The following EIF2AK1 variants were observed in gnomAD, a reference collection of about 807,000 sequenced individuals.
EIF2AK1 encodes eukaryotic translation initiation factor 2 alpha kinase 1, also known as eukaryotic translation initiation factor 2-alpha kinase 1.
In EIF2AK1, 54 loss-of-function variants were observed where a neutral mutation model predicts 77.9. That is an observed-to-expected ratio of 0.69 (90% confidence interval 0.56 to 0.87). The LOEUF (loss-of-function observed/expected upper bound fraction) is 0.87. Among genes scored for constraint, EIF2AK1 ranks in the 40% least tolerant of loss-of-function variants. The pLI is 0.00. For missense variants in EIF2AK1, 810 were observed against 768.6 expected, an observed-to-expected ratio of 1.05 and a Z score of -0.64; for synonymous variants, 314 against 290.5, an observed-to-expected ratio of 1.08 and a Z score of -0.82.
intron 1 of EIF2AK1, 76 bp from the exon 2 acceptor site, chr7:6,054,780 T>A: frequency 7.5e-7 from 1 of 1,339,558 alleles, no homozygotes; most frequent in Non-Finnish European, 1.0e-6. Context: ...ATATTCTAAT[T>A]AATGAAACAT....
At chr7:6,030,497 A>G (rs959986346) in intron 11 of EIF2AK1, among the ~76,000 whole-genome samples, 1 of 151,972 alleles carries the variant, frequency 6.6e-6, no homozygotes, top group Admixed American at 6.6e-5. Flanking sequence ...TCGCACTACG[A>G]AAAAACTGAT....
intron 2 of EIF2AK1, among the ~76,000 whole-genome samples, chr7:6,051,175 A>G (rs1311684136): frequency 4.6e-5 from 7 of 152,312 alleles, no homozygotes; most frequent in South Asian, 2.1e-4. Context: ...TGTAAACCAA[A>G]TATCAAGCTC....
At chr7:6,041,429 C>A (rs1290702316) in intron 8 of EIF2AK1, among the ~76,000 whole-genome samples, 1 of 151,966 alleles carries the variant, frequency 6.6e-6, no homozygotes, top group African/African-American at 2.4e-5. Flanking sequence ...ATCGCAGCTA[C>A]TGGGGAGGAT....
intron 11 of EIF2AK1, 47 bp from the exon 12 acceptor site, chr7:6,029,079 ATAG>A (rs1410091494): frequency 7.1e-7 from 1 of 1,416,500 alleles, no homozygotes; most frequent in Non-Finnish European, 9.9e-7. Flanking sequence ...CTTAAAACAA[ATAG>A]TAATATCTTG....
Position 6,035,913 on chromosome 7 carries a change from C to A in EIF2AK1, c.1332+1511G>T. On this transcript the variant is annotated intron_variant, in intron 11 of 14. Transcript: ENST00000199389. The surrounding 1 kb of genome is among the most constrained non-coding windows in gnomAD (Gnocchi z 5.5). Reference sequence around the variant, plus strand: ...CCTCGGGGCGGGGGTCAGCTGCATCCGTCTGCTACTCACTCACGGAGCCAA... The same window carrying A: ...CCTCGGGGCGGGGGTCAGCTGCATCAGTCTGCTACTCACTCACGGAGCCAA... 1 of 1,546,624 alleles carries A rather than the reference C, an allele frequency of 6.5e-7. No homozygotes were observed. The highest frequency in any genetic ancestry group is 2.4e-5 in the East Asian group (1 of 40,860).
intron 11 of EIF2AK1, among the ~76,000 whole-genome samples, chr7:6,031,985 C>T (rs910214594): frequency 8.5e-5 from 13 of 152,152 alleles, no homozygotes; most frequent in Non-Finnish European, 1.9e-4. Flanking sequence ...ACCAGCCTGG[C>T]CAGCAGGGCA....
At chr7:6,029,307 A>AT (rs1411349289) in intron 11 of EIF2AK1, among the ~76,000 whole-genome samples, 1 of 151,610 alleles carries the variant, frequency 6.6e-6, no homozygotes, top group Non-Finnish European at 1.5e-5. Context: ...CAAGACAAGC[A>AT]TGGCCAACAT....
intron 12 of EIF2AK1, 35 bp downstream of exon 12, chr7:6,028,883 T>C (rs1214300715): frequency 1.3e-6 from 2 of 1,552,638 alleles, no homozygotes; most frequent in African/African-American, 2.8e-5. Flanking sequence ...GTCTTTTGCT[T>C]ATGCAAAGAA....
In EIF2AK1 at chr7:6,058,975, C is replaced by T; in HGVS notation, c.109G>A (p.Glu37Lys). ...CGATCCGATCCCTCACCGTCATATT[C>T]GGGGTCCGGGCCCTCGGCGGGAAAG... ...IDFPAEGPDP[E>K]YDESDVPAEI... is the part of the protein sequence containing the mutation. Residue 37 changes from glutamate to lysine, a missense_variant, in exon 1 of 15, where the codon GAA (glutamate) becomes AAA (lysine). Physicochemically the swap from Glu to Lys is moderately conservative, Grantham distance 56. Around this residue, in one of 3 missense-constraint regions of EIF2AK1, gnomAD observed 246 missense variants for 199.0 expected, o/e 1.24. Coordinates refer to ENST00000199389, the MANE Select transcript of EIF2AK1 (RefSeq NM_014413.4). The T allele has an allele frequency of 1.3e-6, 2 of 1,536,852 alleles. No homozygotes were observed. The highest frequency in any genetic ancestry group is 8.7e-7 in the Non-Finnish European group (1 of 1,144,586).
At position 6,054,681 on chromosome 7, in the gene EIF2AK1, G is replaced by A. The variant is rs746431798; in HGVS notation, c.142C>T (p.Gln48Ter). 13 of 1,613,498 alleles carry A rather than the reference G, an allele frequency of 8.1e-6. No homozygotes were observed. The highest frequency in any genetic ancestry group is 1.1e-5 in the Non-Finnish European group (13 of 1,179,838). Reference protein sequence around the residue: ...YDESDVPAEIQVLKEPLQQPT... With the variant: ...YDESDVPAEI ...TGTTGTAGGGGTTCTTTTAACACCT[G>A]GATTTCTGCTGGAACATCAGATTCT... The change falls in exon 2 of 15, where the codon CAG becomes TAG. Residue 48 changes from glutamine (Q) to a stop codon, truncating the protein, a stop_gained. Transcript: ENST00000199389. LOFTEE classifies it high-confidence loss of function.
intron 2 of EIF2AK1, among the ~76,000 whole-genome samples, chr7:6,051,803 A>G (rs1356949075): frequency 1.3e-5 from 2 of 152,288 alleles, no homozygotes; most frequent in Admixed American, 6.5e-5. Flanking sequence ...GAAAAAAGAA[A>G]TAGAAAACTC....
In EIF2AK1 at chr7:6,035,596, G is replaced by C. The variant is rs1190807983; in HGVS notation, c.1332+1828C>G. On this transcript the variant is annotated intron_variant, in intron 11 of 14. Coordinates refer to ENST00000199389, the MANE Select transcript of EIF2AK1 (RefSeq NM_014413.4). This position sits in a 1 kb window ranked among gnomAD's most constrained non-coding sequence, Gnocchi z 5.5. ...TGTCTCCGCATCTTGTGTGCGCACG[G>C]AGCTCAAGTGAACACTCAAGGGGAA... 6.4e-6 allele frequency: 10 copies of C among 1,550,898 alleles called. No homozygotes were observed. The Middle Eastern group carries it at 8.3e-4, about 129-fold the overall frequency.
rs781559355 is a variant in EIF2AK1, at chr7:6,023,289, T to A, written c.*1384A>T. 6.4e-7 allele frequency: 1 copy of A among 1,574,270 alleles called. No homozygotes were observed. Among genetic ancestry groups the A allele is most frequent in the Non-Finnish European group, 8.6e-7 (1 of 1,164,142 alleles). ...TGCTCTGGTGATGCTACCTGGCGTG[T>A]TTTTTCTTTTCAGTGCCGAAGACGC... On this transcript the variant is annotated 3_prime_UTR_variant, in exon 15 of 15. Transcript: ENST00000199389.
chr7:6,048,844 C>G lies in EIF2AK1; in HGVS notation c.412G>C (p.Asp138His), dbSNP rs1252629710. ...MRSAKERVRQ[D>H]PCEDISRIQK... Reference sequence around the variant, plus strand: ...ATACGAGAAATATCCTCACAAGGATCCTACAATTAAAAAATTGTTTTTAAA... The same window carrying G: ...ATACGAGAAATATCCTCACAAGGATGCTACAATTAAAAAATTGTTTTTAAA... The change falls in exon 4 of 15, where the codon GAT becomes CAT. Residue 138 changes from aspartate (D) to histidine (H), a missense_variant and splice_region_variant. Coordinates refer to ENST00000199389, the MANE Select transcript of EIF2AK1 (RefSeq NM_014413.4). The G allele has an allele frequency of 6.3e-7, 1 of 1,575,736 alleles. No individual in the cohort carries two copies. Among genetic ancestry groups the G allele is most frequent in the African/African-American group, 1.4e-5 (1 of 72,820 alleles).
chr7:6,049,253 C>T (rs200553250), intron 3 of EIF2AK1, among the ~76,000 whole-genome samples: 48 of 134,742 alleles, frequency 3.6e-4, no homozygotes, highest in African/African-American at 1.3e-3. Context: ...TTACTAAAAA[C>T]CATAAATTAG....
chr7:6,056,301 A>G (rs956717228), intron 1 of EIF2AK1, among the ~76,000 whole-genome samples: 1 of 147,960 alleles, frequency 6.8e-6, no homozygotes, highest in Non-Finnish European at 1.5e-5. Flanking sequence ...TCAAAAAAAA[A>G]AAAAAAAAAA....
chr7:6,052,987 TATC>T (rs1314291546), intron 2 of EIF2AK1, among the ~76,000 whole-genome samples: 5 of 152,032 alleles, frequency 3.3e-5, no homozygotes, highest in African/African-American at 1.2e-4. Flanking sequence ...TTGTGAGCAT[TATC>T]ATAGTATAGA....
chr7:6,031,560 A>G (rs1346880889), intron 11 of EIF2AK1: 1 of 1,550,592 alleles, frequency 6.4e-7, no homozygotes. Context: ...ATTCTGCCCA[A>G]CTCCGCCAGC....
chr7:6,039,754 G>T (rs557961031), intron 9 of EIF2AK1, among the ~76,000 whole-genome samples: 2 of 151,706 alleles, frequency 1.3e-5, no homozygotes, highest in Admixed American at 6.6e-5. Context: ...GGCCAACATG[G>T]TGAAGCCCTG....
Sources: allele counts gnomAD v4.1 joint callset (sites outside exome capture counted in the v4.1 genomes callset), GRCh38; gene constraint gnomAD v4.1.1; regional missense constraint gnomAD v4.1.1; non-coding constraint Gnocchi (gnomAD v3.1); transcripts MANE v1.5; gene names NCBI Gene and HGNC (gene_info 2026-07-23, HGNC 2026-07-21).